Variants in FRMD6 observed in about 807,000 individuals in gnomAD.
FRMD6 encodes FERM domain containing 6.
A neutral mutation model predicts 73.2 loss-of-function variants in FRMD6; 37 were observed. That is an observed-to-expected ratio of 0.51 (90% CI 0.39 to 0.66). The LOEUF (loss-of-function observed/expected upper bound fraction) is 0.66. Ranked by LOEUF, FRMD6 falls within the 30% of genes least tolerant of loss-of-function variation. The probability of loss-of-function intolerance (pLI) is 0.00; values close to 1 mark genes in which losing one functional copy is unlikely to be tolerated. For missense variants in FRMD6, 714 were observed against 780.5 expected (o/e 0.91, Z 1.02); for synonymous variants, 273 against 282.2 (o/e 0.97, Z 0.33).
intron 2 of FRMD6, among the ~76,000 whole-genome samples, chr14:51,618,561 G>C (rs1890800008): frequency 6.6e-6 from 1 of 152,288 alleles, no homozygotes; most frequent in South Asian, 2.1e-4. Context: ...AGTTAGGAGG[G>C]AAATAGGCAG....
intron 1 of FRMD6, among the ~76,000 whole-genome samples, chr14:51,553,083 A>C (rs945950316): frequency 6.6e-6 from 1 of 152,214 alleles, no homozygotes; most frequent in African/African-American, 2.4e-5. Flanking sequence ...TACATTGTGA[A>C]TAAGTCCTGA....
rs746563919 is a variant in FRMD6, at chr14:51,727,880, G to T, written c.1720G>T (p.Gly574Cys). The change falls in exon 14 of 14, where the codon GGC (glycine) becomes TGC (cysteine). Residue 574 changes from glycine (G) to cysteine (C), a missense_variant. By Grantham distance (159) the Gly-to-Cys change is radical (BLOSUM62 -3). Coordinates refer to ENST00000344768, the MANE Select transcript of FRMD6 (RefSeq NM_001267046.2). ...TGCTCAGAGTTACACCTTTGGATGT[G>T]GCCATGAACTGGATGAGGAAGGCCT... ...DTAQSYTFGC[G>C]HELDEEGLYC... The T allele has an allele frequency of 6.2e-7, 1 of 1,614,168 alleles. No homozygotes were observed. The highest frequency in any genetic ancestry group is 1.1e-5 in the South Asian group (1 of 91,080).
intron 2 of FRMD6, among the ~76,000 whole-genome samples, chr14:51,634,334 A>G (rs1191797693): frequency 6.6e-6 from 1 of 152,242 alleles, no homozygotes; most frequent in African/African-American, 2.4e-5. Flanking sequence ...GAACTTTGCC[A>G]TATTTGTATG....
At chr14:51,561,871 G>A (rs541506605) in intron 1 of FRMD6, among the ~76,000 whole-genome samples, 10 of 152,238 alleles carry the variant, frequency 6.6e-5, no homozygotes, top group African/African-American at 2.4e-4. Flanking sequence ...CATTTTGATT[G>A]TTATCCCAAA....
At chr14:51,519,425 C>A (rs977476629) in intron 1 of FRMD6, among the ~76,000 whole-genome samples, 2 of 152,124 alleles carry the variant, frequency 1.3e-5, no homozygotes, top group African/African-American at 4.8e-5. Context: ...GCTGGGATTA[C>A]AGGTGTGAGC....
At chr14:51,641,944 A>C (rs1406939250) in intron 2 of FRMD6, among the ~76,000 whole-genome samples, 1 of 152,078 alleles carries the variant, frequency 6.6e-6, no homozygotes, top group African/African-American at 2.4e-5. Flanking sequence ...CTATCCAAGG[A>C]CCACTAGAAG....
At position 51,498,131 on chromosome 14, in the gene FRMD6, C is replaced by T. The variant is rs1596496422; in HGVS notation, c.-210+8711C>T. Reference sequence around the variant, plus strand: ...TTCCTTCTTTAATTCATCCGTCTTTCTTCTATACCTTATCAGGCAGTGTTA... The same window carrying T: ...TTCCTTCTTTAATTCATCCGTCTTTTTTCTATACCTTATCAGGCAGTGTTA... On this transcript the variant is annotated intron_variant, in intron 1 of 14. Transcript: ENST00000356218. 2.0e-5 allele frequency among the ~76,000 whole-genome samples: 3 copies of T among 152,180 alleles called. No homozygotes were observed. The South Asian group carries it at 6.2e-4, about 32-fold the overall frequency.
intron 10 of FRMD6, among the ~76,000 whole-genome samples, chr14:51,717,984 C>A (rs537594626): frequency 6.6e-6 from 1 of 152,106 alleles, no homozygotes; most frequent in Non-Finnish European, 1.5e-5. Context: ...TCCAAAGTAG[C>A]GTATGAAAAA....
chr14:51,627,453 G>A (rs956920905), intron 2 of FRMD6, among the ~76,000 whole-genome samples: 1 of 152,186 alleles, frequency 6.6e-6, no homozygotes, highest in African/African-American at 2.4e-5. Flanking sequence ...AGCCAGAGAG[G>A]ACACCCTGGT....
chr14:51,668,212 T>G (rs1893739539), intron 1 of FRMD6, among the ~76,000 whole-genome samples: 1 of 152,142 alleles, frequency 6.6e-6, no homozygotes, highest in Non-Finnish European at 1.5e-5. Context: ...ATAGAACTGG[T>G]TAGGAAAGGG....
intron 2 of FRMD6, among the ~76,000 whole-genome samples, chr14:51,626,468 T>C (rs564223353): frequency 1.8e-4 from 27 of 152,220 alleles, no homozygotes; most frequent in Non-Finnish European, 2.5e-4. Flanking sequence ...GCCCCAGTTA[T>C]GTTTTTTGTT....
At chr14:51,674,088 G>A (rs1270012485) in intron 1 of FRMD6, among the ~76,000 whole-genome samples, 1 of 152,072 alleles carries the variant, frequency 6.6e-6, no homozygotes, top group African/African-American at 2.4e-5. Context: ...CTCATTAGAG[G>A]GAGTTTCAGG....
intron 1 of FRMD6, among the ~76,000 whole-genome samples, chr14:51,564,069 C>T (rs1289239663): frequency 1.3e-5 from 2 of 152,162 alleles, no homozygotes; most frequent in Non-Finnish European, 2.9e-5. Context: ...CAGCTCTGGT[C>T]ACTATTTATC....
intron 1 of FRMD6, among the ~76,000 whole-genome samples, chr14:51,552,288 A>G (rs1310554928): frequency 1.3e-5 from 2 of 152,228 alleles, no homozygotes; most frequent in African/African-American, 4.8e-5. Flanking sequence ...CCGCACAGTG[A>G]TTTAGCGTTG....
chr14:51,424,934 A>T, the FRMD6 span, among the ~76,000 whole-genome samples: 29 of 152,210 alleles, frequency 1.9e-4, no homozygotes, highest in African/African-American at 7.0e-4. Flanking sequence ...TCACAAGAGG[A>T]CAAAAGGTCA....
intron 2 of FRMD6, among the ~76,000 whole-genome samples, chr14:51,572,337 G>A (rs1888175782): frequency 6.6e-6 from 1 of 152,218 alleles, no homozygotes; most frequent in Non-Finnish European, 1.5e-5. Context: ...CACGTCATCA[G>A]TTGGCAAATA....
intron 2 of FRMD6, among the ~76,000 whole-genome samples, chr14:51,595,534 G>T (rs1889663814): frequency 6.6e-6 from 1 of 152,166 alleles, no homozygotes; most frequent in Non-Finnish European, 1.5e-5. Flanking sequence ...TGGAGTGAGT[G>T]AAGTGTCAGA....
intron 1 of FRMD6, among the ~76,000 whole-genome samples, chr14:51,525,444 A>G (rs1015102846): frequency 2.6e-5 from 4 of 151,284 alleles, no homozygotes; most frequent in Admixed American, 6.6e-5. Context: ...AATTTTTTGT[A>G]TTTTAGTAGA....
At chr14:51,698,953 A>C (rs1231972997) in intron 3 of FRMD6, among the ~76,000 whole-genome samples, 1 of 152,070 alleles carries the variant, frequency 6.6e-6, no homozygotes, top group African/African-American at 2.4e-5. Context: ...CATTTTGTCA[A>C]GAAGAGTTTT....
Sources: allele counts gnomAD v4.1 joint callset (sites outside exome capture counted in the v4.1 genomes callset), GRCh38; gene constraint gnomAD v4.1.1; transcripts MANE v1.5; gene names NCBI Gene and HGNC (gene_info 2026-07-23, HGNC 2026-07-21).